Variants in PAX6 observed in about 807,000 individuals in gnomAD.
The protein encoded by PAX6 is paired box protein Pax-6.
In PAX6, 7 loss-of-function variants were observed where a neutral mutation model predicts 60.7. The observed-to-expected ratio is 0.12, with a 90% CI of 0.07 to 0.22. The LOEUF (loss-of-function observed/expected upper bound fraction) is 0.22, where lower values mean the gene tolerates loss of function less well. Ranked by LOEUF, PAX6 falls within the 10% of genes least tolerant of loss-of-function variation. The pLI is 1.00. For synonymous variants in PAX6, 208 were observed against 201.2 expected, an observed-to-expected ratio of 1.03 and a Z score of -0.29; for missense variants, 355 against 555.2, an observed-to-expected ratio of 0.64 and a Z score of 3.62.
At chr11:31,796,461 G>A (rs1005904800) in intron 8 of PAX6, among the ~76,000 whole-genome samples, 1 of 146,762 alleles carries the variant, frequency 6.8e-6, no homozygotes, top group Admixed American at 6.8e-5. Context: ...TATTTAGGGC[G>A]CTTGGCTGGG....
Position 31,811,035 on chromosome 11 carries a change from T to C in PAX6, c.-316-20A>G. ...AGATTCCTGGGAAGGAGACAGAGAT[T>C]GACAATAAAATGGGCTGTCAGCGGC... On this transcript the variant is annotated intron_variant, in intron 1 of 13. Coordinates refer to ENST00000640368, the MANE Select transcript of PAX6 (RefSeq NM_001368894.2). 1 of 399,280 alleles carries C rather than the reference T, an allele frequency of 2.5e-6. No individual in the cohort carries two copies. 24.7% of individuals were successfully genotyped at this position (399,280 alleles called of 1,614,324 possible).
In PAX6 at chr11:31,810,612, G is replaced by A. The variant is rs1956864887; in HGVS notation, c.-129+216C>T. 8.5e-6 allele frequency: 3 copies of A among 353,134 alleles called. No homozygotes were observed. In the East Asian group the frequency reaches 1.2e-4, roughly 15 times the overall value. The allele number at this position is 353,134 out of a possible 1,614,324, so 21.9% of individuals were successfully genotyped here. On this transcript the variant is annotated intron_variant, in intron 2 of 13. Coordinates refer to ENST00000640368, the MANE Select transcript of PAX6 (RefSeq NM_001368894.2). Reference sequence around the variant, plus strand: ...GAGCTGGCCGCCCGCCCCGAGCCCTGCGCCGCTCCCGCTCGCCGGCAGTCG... The same window carrying A: ...GAGCTGGCCGCCCGCCCCGAGCCCTACGCCGCTCCCGCTCGCCGGCAGTCG...
At chr11:31,800,653 C>T in intron 8 of PAX6, 38 bp downstream of exon 8, 1 of 1,612,036 alleles carries the variant, frequency 6.2e-7, no homozygotes, top group South Asian at 1.1e-5. Context: ...AAGGGATGCA[C>T]ATATGGAGAG....
chr11:31,789,897 A>G lies in PAX6; in HGVS notation c.*37T>C, dbSNP rs1399262772. 1.9e-6 allele frequency: 3 copies of G among 1,544,326 alleles called. No homozygotes were observed. The highest frequency in any genetic ancestry group is 2.7e-6 in the Non-Finnish European group (3 of 1,131,142). On this transcript the variant is annotated 3_prime_UTR_variant, in exon 14 of 14. Coordinates refer to ENST00000640368, the MANE Select transcript of PAX6 (RefSeq NM_001368894.2). ...CCCCATAGTCACTGACTGAATTAAC[A>G]CAATATTTCCTTTCCTTTTTTTTTT...
rs55756603 is a variant in PAX6 at position 31,789,517 on chromosome 11, G to A, written c.*417C>T. On this transcript the variant is annotated 3_prime_UTR_variant, in exon 14 of 14. Transcript: ENST00000640368. ...TATGAACAGATGGGTAGAAGTATTC[G>A]ATATATCTTGATAAAACTCTTAAAT... The A allele has an allele frequency of 2.7e-3, 1,581 of 589,828 alleles. 20 individuals carry two copies. Among genetic ancestry groups the A allele is most frequent in the African/African-American group, 0.026 (1,353 of 52,998 alleles). 36.5% of individuals were successfully genotyped at this position (589,828 alleles called of 1,614,324 possible). A position where few individuals can be genotyped will look rare whatever the true frequency, so the allele number is the denominator to read the frequency against.
intron 5 of PAX6, 29 bp downstream of exon 5, chr11:31,802,675 G>C: frequency 6.2e-7 from 1 of 1,602,388 alleles, no homozygotes; most frequent in Non-Finnish European, 8.5e-7. Flanking sequence ...CCGCGGGGGC[G>C]GCGAGTGGGG....
At position 31,802,637 on chromosome 11, in the gene PAX6, A is replaced by C. The variant is rs956544364; in HGVS notation, c.141+67T>G. 20 of 1,549,052 alleles carry C rather than the reference A, an allele frequency of 1.3e-5. 1 individual carries two copies. The highest frequency in any genetic ancestry group is 2.3e-5 in the East Asian group (1 of 42,594). On this transcript the variant is annotated intron_variant, in intron 5 of 13. Coordinates refer to ENST00000640368, the MANE Select transcript of PAX6 (RefSeq NM_001368894.2). ...TAATTAGCATCGTTTACAGTAAGAA[A>C]TGAAGAGAGGGCGTTGAGAGTGGAG...
intron 2 of PAX6, chr11:31,810,614 G>T (rs1282412289): frequency 2.3e-5 from 8 of 352,290 alleles, no homozygotes. Context: ...CGAGCCCTGC[G>T]CCGCTCCCGC....
intron 1 of PAX6, among the ~76,000 whole-genome samples, chr11:31,817,448 G>C (rs1231448241): frequency 2.0e-5 from 3 of 152,256 alleles, no homozygotes; most frequent in Non-Finnish European, 2.9e-5. Flanking sequence ...AGGAGGTCTG[G>C]ATGCAAAGTG....
chr11:31,797,080 C>A (rs1167605502), intron 8 of PAX6, among the ~76,000 whole-genome samples: 1 of 152,104 alleles, frequency 6.6e-6, no homozygotes, highest in Non-Finnish European at 1.5e-5. Context: ...TTTTGGCCAA[C>A]TAGAAAGGCC....
intron 2 of PAX6, chr11:31,810,078 G>A (rs984226098): frequency 6.6e-6 from 1 of 152,344 alleles, no homozygotes; most frequent in Non-Finnish European, 1.5e-5. Flanking sequence ...CCTCCCGCTC[G>A]GCTCTGAGCT....
upstream of PAX6, among the ~76,000 whole-genome samples, chr11:31,815,446 G>T (rs1255887841): frequency 1.3e-5 from 2 of 152,064 alleles, no homozygotes; most frequent in East Asian, 3.9e-4. Flanking sequence ...CAACGACCCG[G>T]TCCTGCGATT....
intron 4 of PAX6, chr11:31,804,444 G>C (rs1364578574): frequency 6.6e-6 from 1 of 152,236 alleles, no homozygotes; most frequent in Non-Finnish European, 1.5e-5. Flanking sequence ...CTGAGGGGGG[G>C]CCCTCACCAA....
intron 2 of PAX6, among the ~76,000 whole-genome samples, 172 bp from the exon 3 acceptor site, chr11:31,807,097 A>G (rs1955998803): frequency 6.6e-6 from 1 of 152,180 alleles, no homozygotes. Context: ...GGCATCTGCC[A>G]CAGAAGTCTC....
chr11:31,801,846 A>G (rs755400419), intron 6 of PAX6, 25 bp downstream of exon 6: 2 of 1,613,636 alleles, frequency 1.2e-6, no homozygotes, highest in South Asian at 1.1e-5. Context: ...TTGTTTAAGT[A>G]TGCATTAAAC....
intron 13 of PAX6, 108 bp downstream of exon 13, chr11:31,790,602 A>G: frequency 6.4e-7 from 1 of 1,568,528 alleles, no homozygotes; most frequent in South Asian, 1.1e-5. Flanking sequence ...GGGACAAGGA[A>G]AGCAAGGAGT....
chr11:31,795,681 T>A (rs967838884), intron 8 of PAX6, among the ~76,000 whole-genome samples: 1 of 152,272 alleles, frequency 6.6e-6, no homozygotes, highest in Admixed American at 6.5e-5. Context: ...TGAATGTAAC[T>A]TCTATCATTA....
At chr11:31,796,771 C>T (rs1455678423) in intron 8 of PAX6, among the ~76,000 whole-genome samples, 2 of 151,900 alleles carry the variant, frequency 1.3e-5, no homozygotes, top group Admixed American at 6.5e-5. Flanking sequence ...GACACGAGGG[C>T]CGAACAAGAG....
At chr11:31,794,425 CACACACACACACACACA>C in intron 9 of PAX6, 188 bp downstream of exon 9, 2 of 3,726 alleles carry the variant, frequency 5.4e-4, no homozygotes, top group South Asian at 2.4e-3. Flanking sequence ...ACACACCACA[CACACACACACACACACA>C]CACACACACA....
Sources: gnomAD v4.1 joint callset for allele counts (sites outside exome capture counted in the v4.1 genomes callset) on GRCh38, gnomAD v4.1.1 for gene constraint, MANE v1.5 for transcripts, NCBI Gene and HGNC (gene_info 2026-07-23, HGNC 2026-07-21) for gene names.